The following ANXA5 variants were observed in gnomAD, a reference collection of about 807,000 sequenced individuals.
The protein encoded by ANXA5 is annexin A5.
In ANXA5, 40 loss-of-function variants were observed where a neutral mutation model predicts 48.1. The ratio of observed to expected loss-of-function variants is 0.83; its 90% CI spans 0.65 to 1.08. The LOEUF is 1.08. Among genes scored for constraint, ANXA5 ranks in the 50% least tolerant of loss-of-function variants. ANXA5 has a pLI of 0.00. For synonymous variants in ANXA5, 113 were observed against 129.1 expected, an observed-to-expected ratio of 0.88 and a Z score of 0.85; for missense variants, 357 against 376.8, an observed-to-expected ratio of 0.95 and a Z score of 0.44.
At chr4:121,696,476 C>T (rs2306415) in intron 2 of ANXA5, 105 bp downstream of exon 2, 2 of 1,121,518 alleles carry the variant, frequency 1.8e-6, no homozygotes, top group Admixed American at 3.9e-5. Context: ...AGCAGGTTCC[C>T]TTTCCTCCTA....
At chr4:121,681,586 T>G in intron 6 of ANXA5, 85 bp downstream of exon 6, 1 of 840,512 alleles carries the variant, frequency 1.2e-6, no homozygotes, top group South Asian at 1.7e-5. Flanking sequence ...GTGCCTCCCA[T>G]ACCTACAAAG....
In ANXA5 at chr4:121,671,543, C is replaced by G. The variant is rs1216462364; in HGVS notation, c.721+4G>C. ...AAAATATCAATACATTGTAAATCAC[C>G]TACCAACAGCAAGGAGTAGTTGCTC... On this transcript the variant is annotated splice_donor_region_variant and intron_variant, in intron 10 of 12. Transcript: ENST00000296511. 6.2e-7 allele frequency: 1 copy of G among 1,605,002 alleles called. No individual in the cohort carries two copies. The highest frequency in any genetic ancestry group is 8.5e-7 in the Non-Finnish European group (1 of 1,171,984).
chr4:121,683,403 A>C lies in ANXA5; in HGVS notation c.264T>G (p.Ser88=), dbSNP rs1289236666. Residue 88 remains serine (S), a synonymous_variant, in exon 5 of 13, where the codon TCT becomes TCG. Coordinates refer to ENST00000296511, the MANE Select transcript of ANXA5 (RefSeq NM_001154.4). ...EKLIVALMKP[S]RLYDAYELKH... is the part of the protein sequence containing the mutation. ...TCAGTTCATAAGCATCATAAAGCCG[A>C]GAGGGTTTCATCAGAGCCACAATTA... 2.5e-6 allele frequency: 4 copies of C among 1,610,138 alleles called. No individual in the cohort carries two copies. The highest frequency in any genetic ancestry group is 3.4e-6 in the Non-Finnish European group (4 of 1,177,746).
At chr4:121,694,923 T>C (rs897201516) in intron 2 of ANXA5, among the ~76,000 whole-genome samples, 2 of 152,228 alleles carry the variant, frequency 1.3e-5, no homozygotes, top group Non-Finnish European at 2.9e-5. Flanking sequence ...GCCTTTATGA[T>C]ACTAATCATT....
At chr4:121,672,470 A>G in intron 9 of ANXA5, 63 bp downstream of exon 9, 2 of 1,149,024 alleles carry the variant, frequency 1.7e-6, no homozygotes, top group East Asian at 2.4e-5. Flanking sequence ...ATTCTGTCAC[A>G]CTGGCTCATG....
At chr4:121,688,306 A>C (rs761087403) in intron 2 of ANXA5, among the ~76,000 whole-genome samples, 2 of 152,066 alleles carry the variant, frequency 1.3e-5, no homozygotes, top group Non-Finnish European at 2.9e-5. Flanking sequence ...ATATCTGATC[A>C]ATTTCCTCAT....
intron 8 of ANXA5, among the ~76,000 whole-genome samples, chr4:121,674,074 G>A (rs919706550): frequency 3.3e-5 from 5 of 150,828 alleles, no homozygotes; most frequent in South Asian, 2.1e-4. Context: ...CCAGCTACCC[G>A]GGAGGCTGTG....
Position 121,680,649 on chromosome 4 carries a change from A to G in ANXA5, c.394+1022T>C, listed in dbSNP as rs950087336. Among the ~76,000 whole-genome samples the G allele has an allele frequency of 2.0e-5, 3 of 152,134 alleles. 1 individual carries two copies. The highest frequency in any genetic ancestry group is 2.0e-4 in the Admixed American group (3 of 15,270). On this transcript the variant is annotated intron_variant, in intron 6 of 12. Coordinates refer to ENST00000296511, the MANE Select transcript of ANXA5 (RefSeq NM_001154.4). ...CACGGCTGAGTAGGACAGACCACAC[A>G]GTTATTACCCCCTTTGAGCACACCA...
chr4:121,682,978 CCT>C (rs1341491616), intron 5 of ANXA5, among the ~76,000 whole-genome samples: 1 of 152,076 alleles, frequency 6.6e-6, no homozygotes, highest in Non-Finnish European at 1.5e-5. Flanking sequence ...TGAAGCTTTA[CCT>C]TTTAACCTAA....
At chr4:121,669,117 G>A (rs1220924525) in intron 12 of ANXA5, among the ~76,000 whole-genome samples, 1 of 151,082 alleles carries the variant, frequency 6.6e-6, no homozygotes, top group African/African-American at 2.4e-5. Flanking sequence ...AGAGCACCTT[G>A]TTTTAAAAAG....
intron 8 of ANXA5, among the ~76,000 whole-genome samples, chr4:121,676,041 T>G (rs1249334763): frequency 6.6e-6 from 1 of 152,174 alleles, no homozygotes; most frequent in African/African-American, 2.4e-5. Flanking sequence ...TAGAGTTGGT[T>G]TCTTACACTG....
intron 2 of ANXA5, 116 bp from the exon 3 acceptor site, chr4:121,686,488 T>C: frequency 1.3e-6 from 1 of 762,180 alleles, no homozygotes; most frequent in Non-Finnish European, 2.2e-6. Flanking sequence ...AAATTTACCA[T>C]TTGATAAGAT....
At chr4:121,678,888 C>T (rs974846775) in intron 6 of ANXA5, among the ~76,000 whole-genome samples, 1 of 151,412 alleles carries the variant, frequency 6.6e-6, no homozygotes, top group African/African-American at 2.4e-5. Context: ...CTCTAATATT[C>T]TGAGATTTAT....
chr4:121,691,648 G>C (rs1724986573), intron 2 of ANXA5, among the ~76,000 whole-genome samples: 1 of 152,036 alleles, frequency 6.6e-6, no homozygotes, highest in South Asian at 2.1e-4. Flanking sequence ...TTTTAAGGGT[G>C]GTTCTTCTGA....
chr4:121,671,280 A>C (rs1302616542), intron 10 of ANXA5, among the ~76,000 whole-genome samples: 8 of 152,206 alleles, frequency 5.3e-5, no homozygotes, highest in African/African-American at 1.4e-4. Context: ...AGGTTTATCA[A>C]TAAATAATAT....
chr4:121,695,929 A>G (rs1578452039), intron 2 of ANXA5, among the ~76,000 whole-genome samples: 1 of 151,880 alleles, frequency 6.6e-6, no homozygotes, highest in East Asian at 1.9e-4. Flanking sequence ...AAAAAACAGT[A>G]AAGAAAGCCT....
intron 6 of ANXA5, among the ~76,000 whole-genome samples, chr4:121,680,391 T>A (rs1319674556): frequency 6.6e-6 from 1 of 152,166 alleles, no homozygotes; most frequent in Non-Finnish European, 1.5e-5. Flanking sequence ...CTCCCTAACA[T>A]CCAAAGCTAT....
chr4:121,671,259 CACG>C (rs891198634), intron 10 of ANXA5, among the ~76,000 whole-genome samples: 2 of 152,050 alleles, frequency 1.3e-5, no homozygotes, highest in East Asian at 3.9e-4. Flanking sequence ...AGATAATGTC[CACG>C]ACATTTCAGG....
chr4:121,672,443 C>T (rs1427115450), intron 9 of ANXA5, 90 bp downstream of exon 9: 1 of 824,110 alleles, frequency 1.2e-6, no homozygotes. Flanking sequence ...TCTCTAAGTC[C>T]CTGCTATGTA....
Sources: allele counts gnomAD v4.1 joint callset (sites outside exome capture counted in the v4.1 genomes callset), GRCh38; gene constraint gnomAD v4.1.1; transcripts MANE v1.5; gene names NCBI Gene and HGNC (gene_info 2026-07-23, HGNC 2026-07-21).